CCDC93: variants seen among roughly 807,000 people sequenced by gnomAD.
The protein encoded by CCDC93 is CCC complex scaffolding subunit CCDC93.
In CCDC93, 61 loss-of-function variants were observed where a neutral mutation model predicts 108.2. That is an observed-to-expected ratio of 0.56 (90% CI 0.46 to 0.70). The LOEUF (loss-of-function observed/expected upper bound fraction) is 0.70. CCDC93 is among the 30% of genes least tolerant of loss of function. The pLI, the probability that CCDC93 is intolerant of heterozygous loss-of-function variation, is 0.00. For missense variants in CCDC93, 685 were observed against 764.2 expected, an observed-to-expected ratio of 0.90 and a Z score of 1.22; for synonymous variants, 276 against 260.4, an observed-to-expected ratio of 1.06 and a Z score of -0.58.
chr2:117,956,342 A>G (rs1679216760), intron 12 of CCDC93, among the ~76,000 whole-genome samples: 1 of 152,256 alleles, frequency 6.6e-6, no homozygotes, highest in Non-Finnish European at 1.5e-5. Flanking sequence ...AACAGACTCA[A>G]GAGTCAGGGA....
At chr2:118,006,398 T>C (rs1419231799) in intron 3 of CCDC93, among the ~76,000 whole-genome samples, 1 of 152,172 alleles carries the variant, frequency 6.6e-6, no homozygotes, top group African/African-American at 2.4e-5. Context: ...CCATGCTGCT[T>C]TCTCTCGAAG....
At chr2:117,986,302 T>C (rs1354096554) in intron 6 of CCDC93, among the ~76,000 whole-genome samples, 1 of 151,644 alleles carries the variant, frequency 6.6e-6, no homozygotes, top group African/African-American at 2.4e-5. Context: ...CACACATATA[T>C]ATCCTAAACG....
chr2:117,950,606 A>G, intron 13 of CCDC93: 1 of 985,396 alleles, frequency 1.0e-6, no homozygotes, highest in Non-Finnish European at 1.2e-6. Flanking sequence ...AAGAGGTCAA[A>G]TCTGGGAAGC....
chr2:117,930,903 A>G (rs1163169644), intron 23 of CCDC93, 134 bp downstream of exon 23: 4 of 601,150 alleles, frequency 6.7e-6, no homozygotes, highest in Non-Finnish European at 1.2e-5. Context: ...CTTCACTGCC[A>G]GATCACACTC....
chr2:117,964,885 G>A (rs1310392079), intron 11 of CCDC93, among the ~76,000 whole-genome samples: 2 of 152,180 alleles, frequency 1.3e-5, no homozygotes, highest in African/African-American at 2.4e-5. Context: ...TTACAGGCGT[G>A]AGCCTCTGTG....
At chr2:117,950,982 A>G (rs1477505525) in intron 13 of CCDC93, 3 of 985,306 alleles carry the variant, frequency 3.0e-6, no homozygotes, top group Non-Finnish European at 2.4e-6. Context: ...GGATAGTCTT[A>G]TTACTGACTT....
At chr2:117,926,478 A>G (rs1191380303) in intron 23 of CCDC93, among the ~76,000 whole-genome samples, 1 of 152,244 alleles carries the variant, frequency 6.6e-6, no homozygotes, top group Non-Finnish European at 1.5e-5. Context: ...CCATCAGAGA[A>G]TACTATAAAC....
chr2:117,952,355 G>C lies in CCDC93; in HGVS notation c.1068+18C>G. 1 of 1,563,504 alleles carries C rather than the reference G, an allele frequency of 6.4e-7. No homozygotes were observed. Among genetic ancestry groups the C allele is most frequent in the Non-Finnish European group, 8.8e-7 (1 of 1,133,876 alleles). ...TCTTGACAAGGGCCCACAGAAGAAG[G>C]AGAATCTATCTGCTCACCTCTGTCA... On this transcript the variant is annotated intron_variant, in intron 13 of 23. Coordinates refer to ENST00000376300, the MANE Select transcript of CCDC93 (RefSeq NM_019044.5).
At chr2:117,952,468 A>AT (rs1679087495) in intron 12 of CCDC93, 33 bp from the exon 13 acceptor site, 1 of 1,464,120 alleles carries the variant, frequency 6.8e-7, no homozygotes, top group African/African-American at 1.4e-5. Flanking sequence ...ATATGCTCTC[A>AT]TTTGATCCTT....
At chr2:117,948,843 T>TA (rs1486049894) in intron 14 of CCDC93, among the ~76,000 whole-genome samples, 1 of 152,230 alleles carries the variant, frequency 6.6e-6, no homozygotes, top group Non-Finnish European at 1.5e-5. Flanking sequence ...TCTAATGCTC[T>TA]AATGACAATT....
intron 6 of CCDC93, among the ~76,000 whole-genome samples, chr2:117,987,394 C>T (rs79871677): frequency 0.073 from 11,110 of 152,210 alleles, 530 homozygotes; most frequent in Admixed American, 0.11. Context: ...AGCCACCCAC[C>T]AGCCATTTCA....
At chr2:117,955,727 A>G (rs1337891910) in intron 12 of CCDC93, among the ~76,000 whole-genome samples, 1 of 152,252 alleles carries the variant, frequency 6.6e-6, no homozygotes, top group African/African-American at 2.4e-5. Context: ...TAAAGCACAT[A>G]GTAATTACTA....
Position 117,949,903 on chromosome 2 carries a change from A to G in CCDC93, c.1069-508T>C, listed in dbSNP as rs1350469229. ...CCTCAGGAAGAAGCTGTGTGGAGTT[A>G]GCAGACGTAGGAAGGACTGGTGTGC... On this transcript the variant is annotated intron_variant, in intron 13 of 23. Transcript: ENST00000376300. The G allele has an allele frequency of 3.0e-6, 3 of 985,318 alleles. No individual in the cohort carries two copies. The African/African-American group carries it at 5.2e-5, about 17-fold the overall frequency. 61.0% of individuals were successfully genotyped at this position (985,318 alleles called of 1,614,324 possible). A position where few individuals can be genotyped will look rare whatever the true frequency, so the allele number is the denominator to read the frequency against.
chr2:117,929,019 TA>T (rs1290553168), intron 23 of CCDC93, among the ~76,000 whole-genome samples: 1 of 144,698 alleles, frequency 6.9e-6, no homozygotes, highest in African/African-American at 2.6e-5. Flanking sequence ...GACAAAAAAC[TA>T]AACACCACAT....
At chr2:117,953,744 A>AAC in intron 12 of CCDC93, among the ~76,000 whole-genome samples, 1 of 151,736 alleles carries the variant, frequency 6.6e-6, no homozygotes, top group East Asian at 1.9e-4. Context: ...AAAAAAAAAA[A>AAC]AATTAGCCCG....
intron 12 of CCDC93, among the ~76,000 whole-genome samples, chr2:117,955,226 G>A (rs17583641): frequency 0.053 from 8,052 of 152,236 alleles, 287 homozygotes; most frequent in Non-Finnish European, 0.082. Context: ...ATAGATGTCT[G>A]TGATAGAATA....
chr2:117,996,164 A>C (rs1680639137), intron 5 of CCDC93, 100 bp downstream of exon 5: 3 of 695,520 alleles, frequency 4.3e-6, no homozygotes, highest in Non-Finnish European at 4.9e-6. Flanking sequence ...GGGGCTGAGA[A>C]TGTAGGGGAG....
At chr2:117,928,060 G>A (rs540262289) in intron 23 of CCDC93, among the ~76,000 whole-genome samples, 2 of 150,652 alleles carry the variant, frequency 1.3e-5, no homozygotes, top group East Asian at 1.9e-4. Flanking sequence ...TAGCCATTAT[G>A]TAGAAAGCTG....
intron 6 of CCDC93, among the ~76,000 whole-genome samples, chr2:117,989,616 G>C (rs979606215): frequency 6.6e-6 from 1 of 152,154 alleles, no homozygotes; most frequent in Non-Finnish European, 1.5e-5. Context: ...AAACAAGCTA[G>C]AGTTTTAATG....
Sources: gnomAD v4.1 joint callset for allele counts (sites outside exome capture counted in the v4.1 genomes callset) on GRCh38, gnomAD v4.1.1 for gene constraint, MANE v1.5 for transcripts, NCBI Gene and HGNC (gene_info 2026-07-23, HGNC 2026-07-21) for gene names.